The following RRP12 variants were observed in gnomAD, a reference collection of about 807,000 sequenced individuals.
RRP12 encodes the protein ribosomal RNA processing 12 homolog.
Under a neutral mutation model 157.3 loss-of-function variants are expected in RRP12, and 78 were observed. The observed-to-expected ratio is 0.50, with a 90% CI of 0.41 to 0.60. The LOEUF is 0.60. Ranked by LOEUF, RRP12 falls within the 20% of genes least tolerant of loss-of-function variation. The pLI is 0.00. For synonymous variants in RRP12, 726 were observed against 670.9 expected (o/e 1.08, Z -1.27); for missense variants, 1,521 against 1,679.9 (o/e 0.91, Z 1.65).
At chr10:97,395,460 G>A (rs1000413060) in intron 3 of RRP12, among the ~76,000 whole-genome samples, 1 of 151,872 alleles carries the variant, frequency 6.6e-6, no homozygotes, top group East Asian at 1.9e-4. Context: ...GCTGAGGCAT[G>A]AGAATTGCTT....
At chr10:97,392,882 G>A (rs1433992129) in intron 4 of RRP12, among the ~76,000 whole-genome samples, 1 of 151,904 alleles carries the variant, frequency 6.6e-6, no homozygotes, top group Non-Finnish European at 1.5e-5. Flanking sequence ...GTAGGGACGG[G>A]GTTTCACCAT....
At chr10:97,379,847 G>A (rs1334670093) in intron 13 of RRP12, 77 bp from the exon 14 acceptor site, 6 of 1,452,478 alleles carry the variant, frequency 4.1e-6, no homozygotes, top group East Asian at 4.7e-5. Flanking sequence ...GCTGAACGAT[G>A]AGGCTGGAAT....
Position 97,401,285 on chromosome 10 carries a change from A to C in RRP12, c.-54T>G. 4.3e-6 allele frequency: 7 copies of C among 1,609,594 alleles called. No individual in the cohort carries two copies. The highest frequency in any genetic ancestry group is 3.4e-6 in the Non-Finnish European group (4 of 1,176,522). ...TTAAATGACCGGCTTCCAGGGACGT[A>C]GAAACACGCTCAGAACCCACGTGGA... On this transcript the variant is annotated 5_prime_UTR_variant, in exon 1 of 34. Transcript: ENST00000370992.
At chr10:97,359,520 G>C (rs1843789828) in intron 31 of RRP12, among the ~76,000 whole-genome samples, 1 of 152,204 alleles carries the variant, frequency 6.6e-6, no homozygotes, top group Non-Finnish European at 1.5e-5. Context: ...GTGGCTTAGA[G>C]AGATCAAGAT....
At chr10:97,371,685 AAG>A (rs1265319364) in intron 20 of RRP12, 2 of 198,946 alleles carry the variant, frequency 1.0e-5, no homozygotes, top group African/African-American at 4.6e-5. Flanking sequence ...AAACCCTGCA[AAG>A]GCACAGACAG....
Position 97,366,638 on chromosome 10 carries a change from C to T in RRP12, c.3216-17G>A, listed in dbSNP as rs752341539. 29 of 1,606,002 alleles carry T rather than the reference C, an allele frequency of 1.8e-5. No homozygotes were observed. The highest frequency in any genetic ancestry group is 1.7e-4 in the Middle Eastern group (1 of 6,054). ...TCCTCAATGCTAAGGACAAAAAGCC[C>T]CCAGTCAGAGTGCTCCCAGGAGAGG... is the stretch of plus-strand genomic sequence containing the variant. On this transcript the variant is annotated splice_polypyrimidine_tract_variant and intron_variant, in intron 27 of 33. Coordinates refer to ENST00000370992, the MANE Select transcript of RRP12 (RefSeq NM_015179.4).
At chr10:97,393,406 C>A (rs1445529045) in intron 4 of RRP12, 6 of 594,314 alleles carry the variant, frequency 1.0e-5, no homozygotes, top group Non-Finnish European at 1.9e-5. Context: ...TGCCTGGACA[C>A]ACACCACGTG....
chr10:97,360,453 C>A (rs1240775792), intron 31 of RRP12, 93 bp downstream of exon 31: 14 of 1,008,008 alleles, frequency 1.4e-5, no homozygotes, highest in Admixed American at 8.8e-5. Context: ...GGCTGTGCAC[C>A]CTCATGGCCC....
At chr10:97,399,738 T>C (rs1027542266) in intron 2 of RRP12, among the ~76,000 whole-genome samples, 5 of 148,890 alleles carry the variant, frequency 3.4e-5, no homozygotes, top group Admixed American at 3.4e-4. Flanking sequence ...TAATGCACTA[T>C]TTAAATATAC....
At chr10:97,394,458 T>C (rs1036836071) in intron 3 of RRP12, among the ~76,000 whole-genome samples, 1 of 152,182 alleles carries the variant, frequency 6.6e-6, no homozygotes, top group Non-Finnish European at 1.5e-5. Context: ...GGTATAATCA[T>C]AGCTCACTGT....
At chr10:97,398,019 A>ATG (rs1554883076) in intron 2 of RRP12, among the ~76,000 whole-genome samples, 3 of 71,036 alleles carry the variant, frequency 4.2e-5, no homozygotes, top group East Asian at 4.5e-4. Flanking sequence ...ATATATATAT[A>ATG]TATGTATATA....
intron 20 of RRP12, 166 bp from the exon 21 acceptor site, chr10:97,371,247 G>T (rs963582631): frequency 2.8e-6 from 2 of 710,986 alleles, no homozygotes; most frequent in Non-Finnish European, 4.6e-6. Context: ...TAACTCCTGG[G>T]CGAGGCACAG....
At chr10:97,394,390 TAC>T (rs1375434072) in intron 3 of RRP12, among the ~76,000 whole-genome samples, 1 of 152,138 alleles carries the variant, frequency 6.6e-6, no homozygotes, top group Non-Finnish European at 1.5e-5. Flanking sequence ...TGCATATATA[TAC>T]AGAGATAGAT....
rs1333900131 is a variant in RRP12 at position 97,400,534 on chromosome 10, C to A, written c.140G>T (p.Gly47Val). Residue 47 changes from glycine (G) to valine (V), a missense_variant and splice_region_variant, in exon 2 of 34, where the codon GGA (glycine) becomes GTA (valine). Transcript: ENST00000370992. ...ARSRFFSRPS[G>V]RSDLTVDAVK... ...AGCATCGACTGTCAGGTCACTCCTT[C>A]CTGAGAGCCAGAGGCACAAGATAAG... is the stretch of plus-strand genomic sequence containing the variant. The A allele has an allele frequency of 6.2e-7, 1 of 1,612,548 alleles. No homozygotes were observed. The highest frequency in any genetic ancestry group is 1.3e-5 in the African/African-American group (1 of 74,996).
At chr10:97,388,223 C>G (rs770196606) in intron 8 of RRP12, 29 bp downstream of exon 8, 19 of 1,613,102 alleles carry the variant, frequency 1.2e-5, no homozygotes, top group Middle Eastern at 1.8e-4. Context: ...GCAGGTCCCC[C>G]TTTCTCCAGC....
At chr10:97,376,350 G>C (rs1844307628) in intron 15 of RRP12, among the ~76,000 whole-genome samples, 2 of 150,868 alleles carry the variant, frequency 1.3e-5, no homozygotes, top group Admixed American at 1.3e-4. Context: ...AAGTAGCTGG[G>C]ATTACAGGTG....
At chr10:97,393,013 G>C (rs548299262) in intron 4 of RRP12, among the ~76,000 whole-genome samples, 4 of 151,804 alleles carry the variant, frequency 2.6e-5, no homozygotes, top group Admixed American at 2.6e-4. Flanking sequence ...GATTACAGGC[G>C]TGAGCCACAG....
intron 28 of RRP12, 34 bp downstream of exon 28, chr10:97,366,412 G>C: frequency 1.3e-6 from 2 of 1,576,534 alleles, no homozygotes; most frequent in Non-Finnish European, 1.7e-6. Context: ...TGGCAAGTCT[G>C]TTTTCTGAGT....
At chr10:97,386,536 A>C (rs141917435) in intron 8 of RRP12, among the ~76,000 whole-genome samples, 273 of 152,286 alleles carry the variant, frequency 1.8e-3, no homozygotes, top group African/African-American at 6.3e-3. Context: ...GTCTGAAAGG[A>C]TACCCAGAAA....
Sources: allele counts gnomAD v4.1 joint callset (sites outside exome capture counted in the v4.1 genomes callset), GRCh38; gene constraint gnomAD v4.1.1; transcripts MANE v1.5; gene names NCBI Gene and HGNC (gene_info 2026-07-23, HGNC 2026-07-21).